Variants in DEXI observed in about 807,000 individuals in gnomAD.
The protein encoded by DEXI is Dexi homolog.
In DEXI, 2 loss-of-function variants were observed where a neutral mutation model predicts 2.5. That is an observed-to-expected ratio of 0.81 (90% CI 0.33 to 2.55). The LOEUF is 2.55. DEXI is among the 30% of genes most tolerant of loss of function. The pLI is 0.11. For missense variants in DEXI, 108 were observed against 130.3 expected, an observed-to-expected ratio of 0.83 and a Z score of 0.83; for synonymous variants, 71 against 68.7, an observed-to-expected ratio of 1.03 and a Z score of -0.17.
At chr16:10,931,054 G>T (rs1279285596) in intron 1 of DEXI, 2 of 152,636 alleles carry the variant, frequency 1.3e-5, no homozygotes, top group African/African-American at 4.8e-5. Context: ...GCTGGATAGA[G>T]TGGTTCATGC....
chr16:10,930,995 G>C (rs2040763628), intron 1 of DEXI: 1 of 152,306 alleles, frequency 6.6e-6, no homozygotes, highest in African/African-American at 2.4e-5. Flanking sequence ...GGTCATCCTT[G>C]AGCCCATCTC....
In DEXI at chr16:10,929,658, G is replaced by A; in HGVS notation, c.*150-99C>T. On this transcript the variant is annotated intron_variant, in intron 1 of 1. Coordinates refer to ENST00000331808, the MANE Select transcript of DEXI (RefSeq NM_014015.4). The surrounding 1 kb of genome is among the most constrained non-coding windows in gnomAD (Gnocchi z 4.3). ...CCAATCCACCAGGCTCGGGAGGCTT[G>A]GGGTGGGGCAGGGAAGTCTTCCTCC... is the stretch of plus-strand genomic sequence containing the variant. 1 of 743,234 alleles carries A rather than the reference G, an allele frequency of 1.3e-6. No homozygotes were observed. 46.0% of individuals were successfully genotyped at this position (743,234 alleles called of 1,614,324 possible). A position where few individuals can be genotyped will look rare whatever the true frequency, so the allele number is the denominator to read the frequency against.
chr16:10,933,829 C>G (rs1242080274), intron 1 of DEXI: 1 of 152,248 alleles, frequency 6.6e-6, no homozygotes, highest in Non-Finnish European at 1.5e-5. Flanking sequence ...ACAGACGTCA[C>G]CCTCCCCTAC....
chr16:10,933,632 G>C (rs2040893666), intron 1 of DEXI: 1 of 152,304 alleles, frequency 6.6e-6, no homozygotes, highest in South Asian at 2.1e-4. Flanking sequence ...CATCAGTACA[G>C]GGTGGTTCCT....
chr16:10,938,604 T>C lies in DEXI; in HGVS notation c.*149+2965A>G, dbSNP rs538417857. On this transcript the variant is annotated intron_variant, in intron 1 of 1. Transcript: ENST00000331808. The surrounding 1 kb of genome is among the most constrained non-coding windows in gnomAD (Gnocchi z 4.9). Reference sequence around the variant, plus strand: ...GCTCGGTCAGATCATCTTGAGGTCTTTCCTGGCGGCTTCCCTGCTGCTAGC... The same window carrying C: ...GCTCGGTCAGATCATCTTGAGGTCTCTCCTGGCGGCTTCCCTGCTGCTAGC... 1 of 152,302 alleles carries C rather than the reference T, an allele frequency of 6.6e-6. No individual in the cohort carries two copies. Among genetic ancestry groups the C allele is most frequent in the African/African-American group, 2.4e-5 (1 of 41,560 alleles). The allele number at this position is 152,302 out of a possible 1,614,324, so 9.4% of individuals were successfully genotyped here.
chr16:10,930,648 G>A (rs1325985993), intron 1 of DEXI: 1 of 152,206 alleles, frequency 6.6e-6, no homozygotes, highest in Non-Finnish European at 1.5e-5. Context: ...CGATGGAAAC[G>A]GTCTGAATGA....
At position 10,929,552 on chromosome 16, in the gene DEXI, G is replaced by A; in HGVS notation, c.*157C>T. The A allele has an allele frequency of 2.0e-6, 2 of 985,490 alleles. No homozygotes were observed. Among genetic ancestry groups the A allele is most frequent in the Non-Finnish European group, 2.4e-6 (2 of 829,994 alleles). The allele number at this position is 985,490 out of a possible 1,614,324, so 61.0% of individuals were successfully genotyped here. ...TCTGTTGGCACGAAGCTTTTGAGGGGAGCAGGTCTAACAAGAAGGAAAAAG... is the reference window on the plus strand; with the variant it reads ...TCTGTTGGCACGAAGCTTTTGAGGGAAGCAGGTCTAACAAGAAGGAAAAAG... On this transcript the variant is annotated 3_prime_UTR_variant, in exon 2 of 2. Transcript: ENST00000331808. This position sits in a 1 kb window ranked among gnomAD's most constrained non-coding sequence, Gnocchi z 4.3.
At chr16:10,936,986 A>G (rs892005678) in intron 1 of DEXI, 3 of 152,266 alleles carry the variant, frequency 2.0e-5, no homozygotes, top group Admixed American at 2.0e-4. Flanking sequence ...TCGGCAAAAC[A>G]GACACATGAG....
At position 10,939,379 on chromosome 16, in the gene DEXI, A is replaced by G. The variant is rs1366233857; in HGVS notation, c.*149+2190T>C. The G allele has an allele frequency of 2.6e-5, 4 of 152,234 alleles. No homozygotes were observed. The highest frequency in any genetic ancestry group is 4.4e-5 in the Non-Finnish European group (3 of 68,092). 9.4% of individuals were successfully genotyped at this position (152,234 alleles called of 1,614,324 possible). A position where few individuals can be genotyped will look rare whatever the true frequency, so the allele number is the denominator to read the frequency against. ...TGGGATTGTGTCATCTCCTGCCTAG[A>G]ACCTTCCAATGGCTTTCCACTGCTC... On this transcript the variant is annotated intron_variant, in intron 1 of 1. Transcript: ENST00000331808. The surrounding 1 kb of genome is among the most constrained non-coding windows in gnomAD (Gnocchi z 4.9).
At position 10,937,318 on chromosome 16, in the gene DEXI, G is replaced by A. The variant is rs993912988; in HGVS notation, c.*149+4251C>T. On this transcript the variant is annotated intron_variant, in intron 1 of 1. Coordinates refer to ENST00000331808, the MANE Select transcript of DEXI (RefSeq NM_014015.4). The surrounding 1 kb of genome is among the most constrained non-coding windows in gnomAD (Gnocchi z 4.2). ...TGCATCCGCCCTGACCCCTGGCTGT[G>A]GGATCTCCCATAACTCAAATCTGAC... 2.0e-5 allele frequency: 3 copies of A among 152,328 alleles called. No individual in the cohort carries two copies. Among genetic ancestry groups the A allele is most frequent in the African/African-American group, 7.2e-5 (3 of 41,446 alleles). The allele number at this position is 152,328 out of a possible 1,614,324, so 9.4% of individuals were successfully genotyped here.
chr16:10,941,741 C>G lies in DEXI; in HGVS notation c.265G>C (p.Val89Leu), dbSNP rs771767260. 13 of 1,611,148 alleles carry G rather than the reference C, an allele frequency of 8.1e-6. No individual in the cohort carries two copies. In the South Asian group the frequency reaches 1.4e-4, roughly 18 times the overall value. ...GLYDADSELD[V>L]FDAYLE is the part of the protein sequence containing the mutation. ...CCCTACTCCAAGTACGCATCAAAGACGTCGAGCTCCGAGTCAGCATCGTAA... is the reference window on the plus strand; with the variant it reads ...CCCTACTCCAAGTACGCATCAAAGAGGTCGAGCTCCGAGTCAGCATCGTAA... The change falls in exon 1 of 2, where the codon GTC becomes CTC. Residue 89 changes from valine to leucine, a missense_variant. Val to Leu is a conservative substitution (Grantham distance 32, BLOSUM62 1). Transcript: ENST00000331808. The surrounding 1 kb of genome is among the most constrained non-coding windows in gnomAD (Gnocchi z 6.4).
intron 1 of DEXI, chr16:10,930,286 G>C (rs934908149): frequency 2.0e-5 from 3 of 152,254 alleles, no homozygotes; most frequent in African/African-American, 7.2e-5. Flanking sequence ...TGTTAAACAT[G>C]TGACATGTAT....
rs76594621 is a variant in DEXI at position 10,934,555 on chromosome 16, C to T, written c.*150-4996G>A. 7.4e-3 allele frequency: 1,130 copies of T among 152,344 alleles called. 3 individuals are homozygous for T. The highest frequency in any genetic ancestry group is 0.012 in the Non-Finnish European group (809 of 68,062). 9.4% of individuals were successfully genotyped at this position (152,344 alleles called of 1,614,324 possible). On this transcript the variant is annotated intron_variant, in intron 1 of 1. Transcript: ENST00000331808. The surrounding 1 kb of genome is among the most constrained non-coding windows in gnomAD (Gnocchi z 4.2). ...CTCACTGGGGGAAACATCAGGACAG[C>T]GTGGCCAGGAGCCCAATGCTGCCAC...
At chr16:10,935,587 A>C (rs2040992791) in intron 1 of DEXI, 1 of 152,254 alleles carries the variant, frequency 6.6e-6, no homozygotes, top group Non-Finnish European at 1.5e-5. Context: ...CTTAAACTGC[A>C]AATTATAAAG....
Position 10,942,024 on chromosome 16 carries a change from G to C in DEXI, c.-19C>G. 1 of 1,395,136 alleles carries C rather than the reference G, an allele frequency of 7.2e-7. No homozygotes were observed. Among genetic ancestry groups the C allele is most frequent in the Non-Finnish European group, 9.3e-7 (1 of 1,075,790 alleles). The allele number at this position is 1,395,136 out of a possible 1,614,324, so 86.4% of individuals were successfully genotyped here. ...CGAGCATGCAGCGGGTGGCAAGGGCGGCGGCCCGGCGATCCCGGCGAACTC... is the reference window on the plus strand; with the variant it reads ...CGAGCATGCAGCGGGTGGCAAGGGCCGCGGCCCGGCGATCCCGGCGAACTC... On this transcript the variant is annotated 5_prime_UTR_variant, in exon 1 of 2. Transcript: ENST00000331808. This position sits in a 1 kb window ranked among gnomAD's most constrained non-coding sequence, Gnocchi z 5.0.
In DEXI at chr16:10,941,519, C is replaced by CT; in HGVS notation, c.*149+49_*149+50insA. 7.2e-7 allele frequency: 1 copy of CT among 1,396,038 alleles called. No homozygotes were observed. Among genetic ancestry groups the CT allele is most frequent in the Admixed American group, 3.1e-5 (1 of 32,228 alleles). 86.5% of individuals were successfully genotyped at this position (1,396,038 alleles called of 1,614,324 possible). A position where few individuals can be genotyped will look rare whatever the true frequency, so the allele number is the denominator to read the frequency against. On this transcript the variant is annotated intron_variant, in intron 1 of 1. Coordinates refer to ENST00000331808, the MANE Select transcript of DEXI (RefSeq NM_014015.4). The surrounding 1 kb of genome is among the most constrained non-coding windows in gnomAD (Gnocchi z 6.4). ...TCCGGCCTGGGAATTCCTCCCTCTC[C>CT]CTTGCTAGCGCCCCAACCCGCCCTC...
rs1171953170 is a variant in DEXI at position 10,938,672 on chromosome 16, G to C, written c.*149+2897C>G. The C allele has an allele frequency of 6.6e-6, 1 of 152,214 alleles. No individual in the cohort carries two copies. The highest frequency in any genetic ancestry group is 1.5e-5 in the Non-Finnish European group (1 of 68,062). The allele number at this position is 152,214 out of a possible 1,614,324, so 9.4% of individuals were successfully genotyped here. On this transcript the variant is annotated intron_variant, in intron 1 of 1. Coordinates refer to ENST00000331808, the MANE Select transcript of DEXI (RefSeq NM_014015.4). The surrounding 1 kb of genome is among the most constrained non-coding windows in gnomAD (Gnocchi z 4.9). ...GGGGTTCTGAGCTTCCTCGGCACTT[G>C]GGGGCAAGGCCTCCTTGGCTTGGAT...
chr16:10,929,631 G>C lies in DEXI; in HGVS notation c.*150-72C>G. 3 of 935,104 alleles carry C rather than the reference G, an allele frequency of 3.2e-6. No individual in the cohort carries two copies. In the South Asian group the frequency reaches 1.5e-4, roughly 46 times the overall value. The allele number at this position is 935,104 out of a possible 1,614,324, so 57.9% of individuals were successfully genotyped here. ...TGCCACCAGGTTGGCTGGGGACAGG[G>C]ACCAATCCACCAGGCTCGGGAGGCT... On this transcript the variant is annotated intron_variant, in intron 1 of 1. Transcript: ENST00000331808. The surrounding 1 kb of genome is among the most constrained non-coding windows in gnomAD (Gnocchi z 4.3).
rs2040682650 is a variant in DEXI, at chr16:10,929,476, G to T, written c.*233C>A. The T allele has an allele frequency of 1.0e-6, 1 of 985,692 alleles. No individual in the cohort carries two copies. Among genetic ancestry groups the T allele is most frequent in the Admixed American group, 6.1e-5 (1 of 16,262 alleles). 61.1% of individuals were successfully genotyped at this position (985,692 alleles called of 1,614,324 possible). ...GGGAGCAGGTGCCTTCCCAACCTCAGCACTCAGTCCCAATCTCTCTTCCAC... is the reference window on the plus strand; with the variant it reads ...GGGAGCAGGTGCCTTCCCAACCTCATCACTCAGTCCCAATCTCTCTTCCAC... On this transcript the variant is annotated 3_prime_UTR_variant, in exon 2 of 2. Transcript: ENST00000331808. This position sits in a 1 kb window ranked among gnomAD's most constrained non-coding sequence, Gnocchi z 4.3.
Sources: allele counts gnomAD v4.1 joint callset, GRCh38; gene constraint gnomAD v4.1.1; non-coding constraint Gnocchi (gnomAD v3.1); transcripts MANE v1.5; gene names NCBI Gene and HGNC (gene_info 2026-07-23, HGNC 2026-07-21).